The following KSR1 variants were observed in gnomAD, a reference collection of about 807,000 sequenced individuals.
KSR1 encodes kinase suppressor of ras 1, also known as kinase suppressor of ras.
KSR1 carries 35 observed loss-of-function variants against 92.9 expected under a neutral mutation model. The ratio of observed to expected loss-of-function variants is 0.38; its 90% CI spans 0.29 to 0.50. The LOEUF is 0.50. KSR1 is among the 20% of genes least tolerant of loss of function. The probability of loss-of-function intolerance (pLI) is 0.94; values close to 1 mark genes in which losing one functional copy is unlikely to be tolerated. For synonymous variants in KSR1, 467 were observed against 472.6 expected (o/e 0.99, Z 0.15); for missense variants, 972 against 1,158.5 (o/e 0.84, Z 2.34).
intron 3 of KSR1, among the ~76,000 whole-genome samples, chr17:27,580,433 T>C (rs2151162899): frequency 6.6e-6 from 1 of 152,324 alleles, no homozygotes; most frequent in South Asian, 2.1e-4. Context: ...AAGAAACTTA[T>C]GAATTGGGAA....
intron 1 of KSR1, among the ~76,000 whole-genome samples, chr17:27,540,551 G>A (rs907760126): frequency 3.3e-5 from 5 of 152,242 alleles, no homozygotes; most frequent in African/African-American, 9.6e-5. Context: ...AAATGTAAAA[G>A]CCTGGCAGCT....
At chr17:27,585,476 G>C (rs2072930797) in intron 4 of KSR1, among the ~76,000 whole-genome samples, 181 bp from the exon 5 acceptor site, 1 of 152,122 alleles carries the variant, frequency 6.6e-6, no homozygotes, top group Admixed American at 6.5e-5. Flanking sequence ...TTTCCATTGA[G>C]GAAATGTCCC....
chr17:27,483,456 G>A (rs1368501262), intron 1 of KSR1, among the ~76,000 whole-genome samples: 6 of 151,994 alleles, frequency 3.9e-5, no homozygotes, highest in Admixed American at 2.0e-4. Flanking sequence ...GCATGGTGGC[G>A]CATGCCTGTA....
intron 18 of KSR1, among the ~76,000 whole-genome samples, chr17:27,615,725 A>G (rs141028053): frequency 2.0e-5 from 3 of 152,228 alleles, no homozygotes; most frequent in Non-Finnish European, 4.4e-5. Flanking sequence ...ACTATTCTTT[A>G]TGTCTCATAT....
intron 20 of KSR1, chr17:27,622,276 C>A: frequency 2.7e-6 from 1 of 371,006 alleles, no homozygotes; most frequent in East Asian, 6.6e-5. Context: ...GTTTGGGTGG[C>A]TCTGTCTCAC....
chr17:27,473,618 C>T (rs910534618), intron 1 of KSR1, among the ~76,000 whole-genome samples: 1 of 152,090 alleles, frequency 6.6e-6, no homozygotes, highest in African/African-American at 2.4e-5. Context: ...AGGGTTCTAG[C>T]TACAAAGGCA....
intron 1 of KSR1, among the ~76,000 whole-genome samples, chr17:27,501,473 A>G (rs1441740075): frequency 1.3e-5 from 2 of 151,904 alleles, no homozygotes; most frequent in African/African-American, 4.8e-5. Context: ...GGCATTGCAG[A>G]GACCTTCGTG....
intron 3 of KSR1, among the ~76,000 whole-genome samples, chr17:27,580,252 C>T (rs867935159): frequency 6.6e-6 from 1 of 152,172 alleles, no homozygotes; most frequent in African/African-American, 2.4e-5. Context: ...CTGTTTGGTG[C>T]CTCCAGTAGG....
At chr17:27,512,412 T>G (rs1597916473) in intron 1 of KSR1, among the ~76,000 whole-genome samples, 1 of 152,244 alleles carries the variant, frequency 6.6e-6, no homozygotes, top group South Asian at 2.1e-4. Context: ...TGGCATAGGA[T>G]TCAGGTTCAA....
Position 27,518,512 on chromosome 17 carries a change from C to T in KSR1, c.232-32056C>T, listed in dbSNP as rs546722222. ...GTTAACTCTGGTGTTTGCTGTCTGC[C>T]TGCCCACCCAGTGCCCATTCATCAT... On this transcript the variant is annotated intron_variant, in intron 1 of 20. Transcript: ENST00000644974. 2.0e-5 allele frequency among the ~76,000 whole-genome samples: 3 copies of T among 152,290 alleles called. No individual in the cohort carries two copies. The East Asian group carries it at 5.8e-4, about 29-fold the overall frequency.
chr17:27,583,299 A>G (rs1378362871), intron 4 of KSR1, among the ~76,000 whole-genome samples, 194 bp downstream of exon 4: 1 of 152,252 alleles, frequency 6.6e-6, no homozygotes, highest in Non-Finnish European at 1.5e-5. Flanking sequence ...TTGGTTTTGT[A>G]TGTACACGTA....
chr17:27,614,235 T>A (rs370178898), intron 18 of KSR1, among the ~76,000 whole-genome samples: 12 of 152,278 alleles, frequency 7.9e-5, no homozygotes, highest in Admixed American at 1.3e-4. Context: ...GTTAAGACTG[T>A]CTGCCCTTAT....
intron 1 of KSR1, among the ~76,000 whole-genome samples, chr17:27,515,624 T>TG (rs1280747305): frequency 6.6e-6 from 1 of 151,526 alleles, no homozygotes; most frequent in African/African-American, 2.4e-5. Flanking sequence ...TTTTTTTTTT[T>TG]TTTTTTTTCA....
At chr17:27,610,899 T>A (rs1228906803) in intron 17 of KSR1, among the ~76,000 whole-genome samples, 1 of 152,160 alleles carries the variant, frequency 6.6e-6, no homozygotes, top group Non-Finnish European at 1.5e-5. Context: ...GTAGCCCCCC[T>A]GTGGCAAGAG....
At chr17:27,554,706 G>A (rs1240758059) in intron 2 of KSR1, among the ~76,000 whole-genome samples, 2 of 152,140 alleles carry the variant, frequency 1.3e-5, no homozygotes, top group Admixed American at 6.5e-5. Context: ...AGAATAAAGT[G>A]CATGATAAAT....
intron 1 of KSR1, among the ~76,000 whole-genome samples, chr17:27,475,557 G>C (rs2150931182): frequency 6.6e-6 from 1 of 152,234 alleles, no homozygotes; most frequent in South Asian, 2.1e-4. Context: ...CTTTTACAGA[G>C]CTCCCACGGC....
At chr17:27,563,226 T>C (rs1163126870) in intron 2 of KSR1, among the ~76,000 whole-genome samples, 1 of 152,206 alleles carries the variant, frequency 6.6e-6, no homozygotes, top group Admixed American at 6.5e-5. Context: ...CCGGTTATGT[T>C]ACTTTCTTAC....
intron 1 of KSR1, among the ~76,000 whole-genome samples, chr17:27,481,857 A>G (rs1021325565): frequency 3.3e-5 from 5 of 152,150 alleles, no homozygotes; most frequent in African/African-American, 1.2e-4. Flanking sequence ...CCATTATACC[A>G]GAACTGTAGA....
intron 1 of KSR1, among the ~76,000 whole-genome samples, chr17:27,541,062 G>A (rs1174428308): frequency 1.3e-5 from 2 of 152,238 alleles, no homozygotes; most frequent in Non-Finnish European, 2.9e-5. Context: ...AATGAAGGCT[G>A]GAGTAAGTTG....
Sources: gnomAD v4.1 joint callset for allele counts (sites outside exome capture counted in the v4.1 genomes callset) on GRCh38, gnomAD v4.1.1 for gene constraint, MANE v1.5 for transcripts, NCBI Gene and HGNC (gene_info 2026-07-23, HGNC 2026-07-21) for gene names.